Variants in DYNC2H1 observed in about 807,000 individuals in gnomAD.
The protein encoded by DYNC2H1 is dynein cytoplasmic 2 heavy chain 1.
In DYNC2H1, 410 loss-of-function variants were observed where a neutral mutation model predicts 570.0. That is an observed-to-expected ratio of 0.72 (90% CI 0.66 to 0.78). The LOEUF is 0.78. Among genes scored for constraint, DYNC2H1 ranks in the 30% least tolerant of loss-of-function variants. The pLI is 0.00. For missense variants in DYNC2H1, 4,865 were observed against 5,046.4 expected, an observed-to-expected ratio of 0.96 and a Z score of 1.09; for synonymous variants, 1,688 against 1,677.6, an observed-to-expected ratio of 1.01 and a Z score of -0.15.
chr11:103,323,402 A>T (rs575162884), intron 81 of DYNC2H1, among the ~76,000 whole-genome samples: 1 of 106,518 alleles, frequency 9.4e-6, no homozygotes, highest in African/African-American at 2.7e-5. Context: ...TTTACAAAGC[A>T]GTGCTTCTAC....
At chr11:103,174,387 T>A (rs1287417437) in intron 36 of DYNC2H1, among the ~76,000 whole-genome samples, 1 of 152,208 alleles carries the variant, frequency 6.6e-6, no homozygotes, top group African/African-American at 2.4e-5. Context: ...CTAAATTTCC[T>A]ACTTTATTCA....
At chr11:103,272,608 A>G (rs1332168744) in intron 70 of DYNC2H1, among the ~76,000 whole-genome samples, 1 of 152,222 alleles carries the variant, frequency 6.6e-6, no homozygotes, top group Non-Finnish European at 1.5e-5. Flanking sequence ...AAGAAATTCT[A>G]GTGCATCCTG....
In DYNC2H1 at chr11:103,255,970, G is replaced by C. The variant is rs600202; in HGVS notation, c.10327-136G>C. The C allele has an allele frequency of 5.6e-3, 3,714 of 665,650 alleles. 29 individuals carry two copies. Among genetic ancestry groups the C allele is most frequent in the Middle Eastern group, 0.013 (29 of 2,302 alleles). 41.2% of individuals were successfully genotyped at this position (665,650 alleles called of 1,614,324 possible). A position where few individuals can be genotyped will look rare whatever the true frequency, so the allele number is the denominator to read the frequency against. On this transcript the variant is annotated intron_variant, in intron 67 of 88. Coordinates refer to ENST00000375735, the MANE Select transcript of DYNC2H1 (RefSeq NM_001377.3). Reference sequence around the variant, plus strand: ...AAAAACAGAATAAAACTTTAAGAGGGCTATAAAATGTTGAAATTCTTCTAA... The same window carrying C: ...AAAAACAGAATAAAACTTTAAGAGGCCTATAAAATGTTGAAATTCTTCTAA...
Position 103,112,924 on chromosome 11 carries a change from C to G in DYNC2H1, c.196-613C>G, listed in dbSNP as rs571270639. Among the ~76,000 whole-genome samples, 202 of 152,268 alleles carry G rather than the reference C, an allele frequency of 1.3e-3. 1 individual carries two copies. Among genetic ancestry groups the G allele is most frequent in the African/African-American group, 4.8e-3 (198 of 41,540 alleles). ...GAATTCCAATTGAGTTCATCTGGTT[C>G]CGATTTAAAATAATCTAGCTATATG... On this transcript the variant is annotated intron_variant, in intron 1 of 88. Coordinates refer to ENST00000375735, the MANE Select transcript of DYNC2H1 (RefSeq NM_001377.3).
Position 103,369,416 on chromosome 11 carries a change from C to T in DYNC2H1, c.12156+11057C>T, listed in dbSNP as rs1035366220. On this transcript the variant is annotated intron_variant, in intron 83 of 88. Coordinates refer to ENST00000375735, the MANE Select transcript of DYNC2H1 (RefSeq NM_001377.3). The surrounding 1 kb of genome is among the most constrained non-coding windows in gnomAD (Gnocchi z 4.0). ...GATTTCAATTCCTATGTGAGTAATG[C>T]TGCTGAACTAGGCCCAGAGACAGTG... 6.6e-6 allele frequency among the ~76,000 whole-genome samples: 1 copy of T among 152,132 alleles called. No individual in the cohort carries two copies. The highest frequency in any genetic ancestry group is 2.4e-5 in the African/African-American group (1 of 41,438).
chr11:103,399,942 T>G (rs1776084264), intron 84 of DYNC2H1, 70 bp downstream of exon 84: 1 of 1,317,832 alleles, frequency 7.6e-7, no homozygotes, highest in Non-Finnish European at 1.1e-6. Flanking sequence ...CACATATATT[T>G]GTCAGGAATC....
At chr11:103,476,083 A>G (rs1945538539) in intron 88 of DYNC2H1, among the ~76,000 whole-genome samples, 1 of 151,388 alleles carries the variant, frequency 6.6e-6, no homozygotes, top group Non-Finnish European at 1.5e-5. Context: ...CAAAGAATGT[A>G]AAGGAATGCT....
intron 83 of DYNC2H1, among the ~76,000 whole-genome samples, chr11:103,396,840 C>G (rs766065238): frequency 2.0e-5 from 3 of 152,128 alleles, no homozygotes; most frequent in Admixed American, 6.6e-5. Flanking sequence ...ATGGGTGGAG[C>G]TGAAGGCCAT....
chr11:103,468,697 AT>A lies in DYNC2H1; in HGVS notation c.12759del (p.Pro4254HisfsTer51). Reference sequence around the variant, plus strand: ...AGTGCTCCCTTGTTTTATGGGCTGGATTCCACAGGTAATACATTTTTAACAA... The same window carrying A: ...AGTGCTCCCTTGTTTTATGGGCTGGATCCACAGGTAATACATTTTTAACAA... ...SSVLPCFMGW[I>X]PQDACGPYSP... is the part of the protein sequence containing the mutation. On this transcript the variant is annotated frameshift_variant, in exon 88 of 89. Transcript: ENST00000375735. LOFTEE classifies it high-confidence loss of function. 1 of 1,609,628 alleles carries A rather than the reference AT, an allele frequency of 6.2e-7. No individual in the cohort carries two copies. The highest frequency in any genetic ancestry group is 8.5e-7 in the Non-Finnish European group (1 of 1,176,438).
At chr11:103,404,355 G>A (rs925610888) in intron 84 of DYNC2H1, 9 of 151,204 alleles carry the variant, frequency 6.0e-5, no homozygotes, top group Non-Finnish European at 8.9e-5. Flanking sequence ...GTAAGGTGGT[G>A]GACAGCCGTA....
chr11:103,230,564 A>C (rs1340118006), intron 59 of DYNC2H1, among the ~76,000 whole-genome samples: 3 of 151,968 alleles, frequency 2.0e-5, no homozygotes, highest in Admixed American at 6.6e-5. Context: ...CTGAGGTCCA[A>C]CTCTTTGTAA....
At chr11:103,173,010 A>G in intron 34 of DYNC2H1, 72 bp from the exon 35 acceptor site, 5 of 788,098 alleles carry the variant, frequency 6.3e-6, no homozygotes, top group Non-Finnish European at 8.5e-6. Flanking sequence ...TCAAATATAA[A>G]CGATGCCTAT....
chr11:103,216,032 T>C (rs1863369566), intron 55 of DYNC2H1, 174 bp downstream of exon 55: 1 of 763,774 alleles, frequency 1.3e-6, no homozygotes, highest in Non-Finnish European at 2.0e-6. Context: ...TATTTTCCTA[T>C]ATTGTTTAGA....
intron 87 of DYNC2H1, among the ~76,000 whole-genome samples, chr11:103,463,703 A>G (rs922702778): frequency 6.6e-6 from 1 of 152,194 alleles, no homozygotes; most frequent in African/African-American, 2.4e-5. Context: ...GTGAGTCATG[A>G]TCATGCCACT....
chr11:103,391,183 G>C (rs1163422643), intron 83 of DYNC2H1, among the ~76,000 whole-genome samples: 1 of 152,096 alleles, frequency 6.6e-6, no homozygotes, highest in East Asian at 1.9e-4. Context: ...TTTCTTGGAG[G>C]CTTTGTTCAT....
intron 42 of DYNC2H1, among the ~76,000 whole-genome samples, chr11:103,187,078 A>G (rs1862100725): frequency 6.6e-6 from 1 of 151,986 alleles, no homozygotes; most frequent in African/African-American, 2.4e-5. Context: ...TACTTTATCA[A>G]ACTAGATTAA....
At position 103,135,857 on chromosome 11, in the gene DYNC2H1, T is replaced by C. The variant is rs748333799; in HGVS notation, c.2483T>C (p.Met828Thr). Reference protein sequence around the residue: ...EAGDESIFSIMIDRNASGFLT... With the variant: ...EAGDESIFSITIDRNASGFLT... Reference sequence around the variant, plus strand: ...GGAGATGAATCTATTTTTTCTATTATGATTGATAGAAATGCAAGTGGATTT... The same window carrying C: ...GGAGATGAATCTATTTTTTCTATTACGATTGATAGAAATGCAAGTGGATTT... The change falls in exon 17 of 89, where the codon ATG becomes ACG. Residue 828 changes from methionine (M) to threonine (T), a missense_variant. This residue lies in a region of DYNC2H1 where 1,936 missense variants were observed against 1,962.1 expected (regional missense o/e 0.99). Transcript: ENST00000375735. 4 of 1,613,178 alleles carry C rather than the reference T, an allele frequency of 2.5e-6. No individual in the cohort carries two copies. The South Asian group carries it at 3.3e-5, about 13-fold the overall frequency.
At chr11:103,396,104 T>C (rs1008018336) in intron 83 of DYNC2H1, among the ~76,000 whole-genome samples, 3 of 152,200 alleles carry the variant, frequency 2.0e-5, no homozygotes, top group Admixed American at 2.0e-4. Flanking sequence ...AATACCTTTG[T>C]CCATTTGTTG....
At position 103,244,399 on chromosome 11, in the gene DYNC2H1, AT is replaced by A. The variant is rs1864531268; in HGVS notation, c.9918+612del. 6.6e-6 allele frequency among the ~76,000 whole-genome samples: 1 copy of A among 151,610 alleles called. No homozygotes were observed. Among genetic ancestry groups the A allele is most frequent in the Non-Finnish European group, 1.5e-5 (1 of 67,820 alleles). On this transcript the variant is annotated intron_variant, in intron 64 of 88. Transcript: ENST00000375735. The surrounding 1 kb of genome is among the most constrained non-coding windows in gnomAD (Gnocchi z 4.3). ...AATATATGATTAATTTTCATAGATA[AT>A]TTTCAGGTGTTTCAAAAATTACCTC...
Sources: allele counts gnomAD v4.1 joint callset (sites outside exome capture counted in the v4.1 genomes callset), GRCh38; gene constraint gnomAD v4.1.1; regional missense constraint gnomAD v4.1.1; non-coding constraint Gnocchi (gnomAD v3.1); transcripts MANE v1.5; gene names NCBI Gene and HGNC (gene_info 2026-07-23, HGNC 2026-07-21).